Variants in C11orf65 observed in about 807,000 individuals in gnomAD.
C11orf65 encodes chromosome 11 open reading frame 65.
Under a neutral mutation model 35.3 loss-of-function variants are expected in C11orf65, and 38 were observed. The ratio of observed to expected loss-of-function variants is 1.08; its 90% CI spans 0.83 to 1.41. The LOEUF (loss-of-function observed/expected upper bound fraction) is 1.41, where lower values mean the gene tolerates loss of function less well. Ranked by LOEUF, C11orf65 falls within the 40% of genes most tolerant of loss-of-function variation. C11orf65 has a pLI of 0.00. For synonymous variants in C11orf65, 105 were observed against 114.4 expected, an observed-to-expected ratio of 0.92 and a Z score of 0.53; for missense variants, 370 against 367.1, an observed-to-expected ratio of 1.01 and a Z score of -0.06.
intron 2 of C11orf65, among the ~76,000 whole-genome samples, chr11:108,443,743 C>T (rs896576438): frequency 9.9e-5 from 15 of 152,078 alleles, no homozygotes; most frequent in African/African-American, 3.4e-4. Flanking sequence ...AAAATGAAGG[C>T]AGAAATAAAG....
At chr11:108,350,854 A>G (rs2089115053) in intron 2 of C11orf65, among the ~76,000 whole-genome samples, 1 of 151,850 alleles carries the variant, frequency 6.6e-6, no homozygotes, top group Non-Finnish European at 1.5e-5. Context: ...GTAAATTGGT[A>G]CAACCCCTTT....
At chr11:108,311,691 C>T (rs2084176063) in intron 6 of C11orf65, among the ~76,000 whole-genome samples, 1 of 150,054 alleles carries the variant, frequency 6.7e-6, no homozygotes, top group Non-Finnish European at 1.5e-5. Flanking sequence ...GAGCGAGACC[C>T]TATCTCATAA....
intron 3 of C11orf65, among the ~76,000 whole-genome samples, chr11:108,429,259 C>A (rs1392285134): frequency 5.3e-5 from 8 of 152,164 alleles, no homozygotes; most frequent in African/African-American, 1.7e-4. Flanking sequence ...TCAAAAGACA[C>A]CACTGCTTCA....
intron 6 of C11orf65, among the ~76,000 whole-genome samples, chr11:108,317,755 A>G (rs969047568): frequency 1.3e-5 from 2 of 150,478 alleles, no homozygotes; most frequent in Admixed American, 6.6e-5. Context: ...GTTGCAAGCT[A>G]TAGATAGCCC....
intron 5 of C11orf65, among the ~76,000 whole-genome samples, chr11:108,406,550 T>C (rs951456148): frequency 3.3e-5 from 5 of 152,198 alleles, no homozygotes; most frequent in African/African-American, 1.2e-4. Flanking sequence ...TCAAAGCTGA[T>C]AATTAAAAGT....
intron 2 of C11orf65, among the ~76,000 whole-genome samples, chr11:108,446,279 GA>G (rs1357437574): frequency 6.6e-6 from 1 of 151,238 alleles, no homozygotes; most frequent in East Asian, 1.9e-4. Context: ...GAAATACAGA[GA>G]ACACCACAAA....
chr11:108,421,225 G>C (rs999573720), intron 3 of C11orf65, among the ~76,000 whole-genome samples: 3 of 152,126 alleles, frequency 2.0e-5, no homozygotes, highest in African/African-American at 7.2e-5. Context: ...CTTGTCTGCT[G>C]TCTATTGCCT....
intron 3 of C11orf65, among the ~76,000 whole-genome samples, chr11:108,417,335 G>A (rs1171463527): frequency 1.3e-5 from 2 of 152,118 alleles, no homozygotes; most frequent in Non-Finnish European, 2.9e-5. Flanking sequence ...CTGAGTTCAG[G>A]AGTTTGAAAC....
downstream of C11orf65, among the ~76,000 whole-genome samples, chr11:108,377,818 G>A (rs1421209667): frequency 6.6e-6 from 1 of 151,978 alleles, no homozygotes; most frequent in Non-Finnish European, 1.5e-5. Flanking sequence ...AAAATCAGAA[G>A]CATTCTTATA....
Position 108,407,945 on chromosome 11 carries a change from A to AG in C11orf65, c.175-797_175-796insC, listed in dbSNP as rs1390191246. 3.7e-3 allele frequency among the ~76,000 whole-genome samples: 530 copies of AG among 141,982 alleles called. 8 individuals carry two copies. Among genetic ancestry groups the AG allele is most frequent in the African/African-American group, 0.013 (500 of 39,712 alleles). 93.1% of individuals were successfully genotyped at this position (141,982 alleles called of 152,430 possible). ...AGACTCTGTCTCAAAAAAAAAAAAA[A>AG]AAAAAAAGAAAAGAAAAGAAAATAT... On this transcript the variant is annotated intron_variant, in intron 3 of 8. Coordinates refer to ENST00000393084, the MANE Select transcript of C11orf65 (RefSeq NM_152587.5).
chr11:108,429,386 T>C (rs2092953984), intron 3 of C11orf65, among the ~76,000 whole-genome samples: 1 of 145,662 alleles, frequency 6.9e-6, no homozygotes, highest in Admixed American at 7.1e-5. Context: ...TTTTACTCTT[T>C]CTCCTTTTGC....
chr11:108,446,773 C>A (rs1565710318), intron 2 of C11orf65, among the ~76,000 whole-genome samples: 1 of 152,136 alleles, frequency 6.6e-6, no homozygotes, highest in Non-Finnish European at 1.5e-5. Context: ...ACCAAATTTA[C>A]ACATAACAAT....
chr11:108,400,256 T>C (rs1479436996), intron 6 of C11orf65, among the ~76,000 whole-genome samples: 1 of 152,200 alleles, frequency 6.6e-6, no homozygotes, highest in African/African-American at 2.4e-5. Flanking sequence ...TTGTCTCTCA[T>C]TTTTGAAAGG....
intron 2 of C11orf65, among the ~76,000 whole-genome samples, chr11:108,349,599 G>T (rs1011908632): frequency 3.9e-5 from 6 of 152,130 alleles, no homozygotes; most frequent in African/African-American, 7.2e-5. Flanking sequence ...GGAAGCAGAG[G>T]TTGCAGTGAG....
intron 2 of C11orf65, among the ~76,000 whole-genome samples, chr11:108,458,045 C>T (rs907670684): frequency 6.6e-6 from 1 of 152,070 alleles, no homozygotes; most frequent in Non-Finnish European, 1.5e-5. Context: ...CTAAATCCAG[C>T]CTCTGTCATA....
intron 2 of C11orf65, chr11:108,366,274 CTCT>C: frequency 4.9e-6 from 1 of 205,582 alleles, no homozygotes; most frequent in Non-Finnish European, 1.0e-5. Context: ...TTCATGAATT[CTCT>C]TGTCAGATGT....
intron 6 of C11orf65, among the ~76,000 whole-genome samples, chr11:108,398,936 A>G (rs2138526426): frequency 6.6e-6 from 1 of 152,316 alleles, no homozygotes; most frequent in East Asian, 1.9e-4. Flanking sequence ...CTATTATGGG[A>G]ATGGTCTATT....
intron 6 of C11orf65, among the ~76,000 whole-genome samples, chr11:108,321,718 G>A (rs2085240617): frequency 1.3e-5 from 2 of 151,790 alleles, no homozygotes; most frequent in South Asian, 4.2e-4. Context: ...AGCACAACAG[G>A]CAGAGGTTGT....
intron 2 of C11orf65, among the ~76,000 whole-genome samples, chr11:108,374,963 G>A (rs927659849): frequency 6.6e-6 from 1 of 152,144 alleles, no homozygotes; most frequent in Non-Finnish European, 1.5e-5. Flanking sequence ...AACGAACAAA[G>A]CCTCCAAGAA....
Sources: gnomAD v4.1 joint callset for allele counts (sites outside exome capture counted in the v4.1 genomes callset) on GRCh38, gnomAD v4.1.1 for gene constraint, MANE v1.5 for transcripts, NCBI Gene and HGNC (gene_info 2026-07-23, HGNC 2026-07-21) for gene names.